Variants in HSPG2 observed in about 807,000 individuals in gnomAD.
HSPG2 encodes basement membrane-specific heparan sulfate proteoglycan core protein.
In HSPG2, 278 loss-of-function variants were observed where a neutral mutation model predicts 526.6. That is an observed-to-expected ratio of 0.53 (90% CI 0.48 to 0.58). The LOEUF is 0.58. Among genes scored for constraint, HSPG2 ranks in the 20% least tolerant of loss-of-function variants. The probability of loss-of-function intolerance (pLI) is 0.00; values close to 1 mark genes in which losing one functional copy is unlikely to be tolerated. For missense variants in HSPG2, 5,354 were observed against 6,099.5 expected (o/e 0.88, Z 4.07); for synonymous variants, 2,465 against 2,555.4 (o/e 0.96, Z 1.07).
At chr1:21,894,301 A>G (rs1397814560) in intron 3 of HSPG2, among the ~76,000 whole-genome samples, 1 of 151,974 alleles carries the variant, frequency 6.6e-6, no homozygotes, top group African/African-American at 2.4e-5. Context: ...GCCAGAGGCT[A>G]GGCATGGCCC....
In HSPG2 at chr1:21,827,919, C is replaced by A; in HGVS notation, c.12533G>T (p.Gly4178Val). Reference protein sequence around the residue: ...PGFSGPRCQQGSGHGIAESDW... With the variant: ...PGFSGPRCQQVSGHGIAESDW... ...GGACTCTGCTATGCCATGTCCAGAG[C>A]CTATGGAGAAGGGCAGGGTCCAGTT... Residue 4178 changes from glycine to valine, a missense_variant and splice_region_variant, in exon 91 of 97, where the codon GGC (glycine) becomes GTC (valine). Gly to Val is a moderately radical substitution (Grantham distance 109). Coordinates refer to ENST00000374695, the MANE Select transcript of HSPG2 (RefSeq NM_005529.7). The A allele has an allele frequency of 6.2e-7, 1 of 1,603,210 alleles. No homozygotes were observed. Among genetic ancestry groups the A allele is most frequent in the Non-Finnish European group, 8.5e-7 (1 of 1,175,348 alleles).
At chr1:21,860,806 GA>G (rs1041899781) in intron 39 of HSPG2, among the ~76,000 whole-genome samples, 1 of 152,200 alleles carries the variant, frequency 6.6e-6, no homozygotes, top group Non-Finnish European at 1.5e-5. Context: ...ATTAAGCAAT[GA>G]CTGAATGCCA....
At chr1:21,833,214 A>C in intron 80 of HSPG2, 54 bp downstream of exon 80, 1 of 1,411,226 alleles carries the variant, frequency 7.1e-7, no homozygotes. Context: ...CAGTTACTCC[A>C]CGAGGTCCCT....
Position 21,872,859 on chromosome 1 carries a change from C to A in HSPG2, c.3889-99G>T. The A allele has an allele frequency of 1.3e-6, 2 of 1,547,418 alleles. No homozygotes were observed. The highest frequency in any genetic ancestry group is 2.3e-5 in the East Asian group (1 of 43,404). On this transcript the variant is annotated intron_variant, in intron 31 of 96. Transcript: ENST00000374695. This position sits in a 1 kb window ranked among gnomAD's most constrained non-coding sequence, Gnocchi z 5.5. ...CCTCCCTGGCCACTTCCAGCAGCCC[C>A]GGGCAGCCCCTGCCCTGTCCCCCAT...
Position 21,890,467 on chromosome 1 carries a change from T to G in HSPG2, c.373A>C (p.Lys125Gln). ...CTGACAACCTGGTCTCCGGGAATTT[T>G]CAAGTACTCCGACTCCAGCTGGGGA... ...VVDTLESEYLKIPGDQVVSVV... is the reference protein window; with the variant it reads ...VVDTLESEYLQIPGDQVVSVV... Residue 125 changes from lysine to glutamine, a missense_variant, in exon 5 of 97, where the codon AAA (lysine) becomes CAA (glutamine). By Grantham distance (53) the Lys-to-Gln change is moderately conservative. Coordinates refer to ENST00000374695, the MANE Select transcript of HSPG2 (RefSeq NM_005529.7). The surrounding 1 kb of genome is among the most constrained non-coding windows in gnomAD (Gnocchi z 4.1). The G allele has an allele frequency of 6.2e-7, 1 of 1,613,974 alleles. No individual in the cohort carries two copies. The highest frequency in any genetic ancestry group is 8.5e-7 in the Non-Finnish European group (1 of 1,179,992).
intron 1 of HSPG2, chr1:21,908,212 A>G (rs2152784967): frequency 2.3e-6 from 2 of 884,092 alleles, no homozygotes; most frequent in East Asian, 4.8e-5. Flanking sequence ...GAAAGGTGAT[A>G]TTGTAGACAT....
intron 1 of HSPG2, chr1:21,908,681 C>A: frequency 2.0e-5 from 9 of 461,000 alleles, no homozygotes; most frequent in Non-Finnish European, 3.1e-5. Flanking sequence ...GGTCTCACTG[C>A]TTAATGAGTT....
In HSPG2 at chr1:21,898,109, C is replaced by G. The variant is rs1353023419; in HGVS notation, c.64-1799G>C. On this transcript the variant is annotated intron_variant, in intron 1 of 96. Transcript: ENST00000374695. This position sits in a 1 kb window ranked among gnomAD's most constrained non-coding sequence, Gnocchi z 4.0. ...AACGGACAAAAACGGAATTCATCACCTATGAATTCCAGTCACTCTGTGAAG... is the reference window on the plus strand; with the variant it reads ...AACGGACAAAAACGGAATTCATCACGTATGAATTCCAGTCACTCTGTGAAG... 6.6e-6 allele frequency among the ~76,000 whole-genome samples: 1 copy of G among 152,178 alleles called. No individual in the cohort carries two copies. Among genetic ancestry groups the G allele is most frequent in the African/African-American group, 2.4e-5 (1 of 41,428 alleles).
Position 21,887,624 on chromosome 1 carries a change from T to C in HSPG2, c.754A>G (p.Thr252Ala), listed in dbSNP as rs780866370. The C allele has an allele frequency of 1.2e-6, 2 of 1,613,940 alleles. No individual in the cohort carries two copies. Among genetic ancestry groups the C allele is most frequent in the South Asian group, 2.2e-5 (2 of 91,078 alleles). ...GTCTCTGGCCGGGGCGGTAAAGATGTCGTCTCCACAAGGAGAGAGAATGTG... is the reference window on the plus strand; with the variant it reads ...GTCTCTGGCCGGGGCGGTAAAGATGCCGTCTCCACAAGGAGAGAGAATGTG... ...SPTFSLLVET[T>A]SLPPRPETTI... is the part of the protein sequence containing the mutation. The change falls in exon 8 of 97, where the codon ACA becomes GCA. Residue 252 changes from threonine to alanine, a missense_variant. Transcript: ENST00000374695. This position sits in a 1 kb window ranked among gnomAD's most constrained non-coding sequence, Gnocchi z 5.0.
Position 21,828,705 on chromosome 1 carries a change from A to C in HSPG2, c.12237+130T>G. 1 of 1,315,514 alleles carries C rather than the reference A, an allele frequency of 7.6e-7. No homozygotes were observed. The highest frequency in any genetic ancestry group is 1.1e-6 in the Non-Finnish European group (1 of 944,134). 81.5% of individuals were successfully genotyped at this position (1,315,514 alleles called of 1,614,324 possible). ...GGAGGAAACTGAGGCTCAGAGGTAC[A>C]GTGTCCTGGCCCAGGGCCCGTGGGT... is the stretch of plus-strand genomic sequence containing the variant. On this transcript the variant is annotated intron_variant, in intron 88 of 96. Transcript: ENST00000374695. This position sits in a 1 kb window ranked among gnomAD's most constrained non-coding sequence, Gnocchi z 6.0.
chr1:21,836,933 T>C lies in HSPG2; in HGVS notation c.10224A>G (p.Leu3408=), dbSNP rs1356764875. 1.3e-6 allele frequency: 2 copies of C among 1,557,476 alleles called. No individual in the cohort carries two copies. Among genetic ancestry groups the C allele is most frequent in the Admixed American group, 3.9e-5 (2 of 51,732 alleles). ...STPTVQVTPQ[L]ETKSIGASVE... The stretch of plus-strand genomic sequence containing the variant: ...CGCTGGCCCCAATGCTCTTGGTCTC[T>C]AGCTGAGGCGTGACCTGCACGGTGG... The change falls in exon 75 of 97, where the codon CTA becomes CTG. Residue 3408 remains leucine, a synonymous_variant. Transcript: ENST00000374695.
Position 21,876,281 on chromosome 1 carries a change from A to C in HSPG2, c.2951T>G (p.Leu984Arg), listed in dbSNP as rs776853465. 6.2e-7 allele frequency: 1 copy of C among 1,613,766 alleles called. No individual in the cohort carries two copies. The highest frequency in any genetic ancestry group is 1.3e-5 in the African/African-American group (1 of 74,868). The change falls in exon 23 of 97, where the codon CTC becomes CGC. Residue 984 changes from leucine (L) to arginine (R), a missense_variant. Physicochemically the swap from Leu to Arg is moderately radical, Grantham distance 102. Transcript: ENST00000374695. ...GELGFSSFHRLLSGPYFWSLP... is the reference protein window; with the variant it reads ...GELGFSSFHRRLSGPYFWSLP... The stretch of plus-strand genomic sequence containing the variant: ...GCTCCAGAAGTAGGGTCCAGATAAG[A>C]GTCTGTGGAAGGAGGAGAATCCCAG...
chr1:21,899,526 T>C (rs555299557), intron 1 of HSPG2, among the ~76,000 whole-genome samples: 9 of 152,074 alleles, frequency 5.9e-5, no homozygotes, highest in Non-Finnish European at 1.2e-4. Context: ...AACTGGCATG[T>C]GGCAGGGCTG....
chr1:21,834,773 G>C lies in HSPG2; in HGVS notation c.10626C>G (p.Ile3542Met), dbSNP rs140973670. The C allele has an allele frequency of 6.2e-7, 1 of 1,614,032 alleles. No individual in the cohort carries two copies. The highest frequency in any genetic ancestry group is 1.3e-5 in the African/African-American group (1 of 74,936). ...CCGCATCAGCCAGCTCTACGTGGGC[G>C]ATCCTGACGACACCTCCGCTCTGCA... ...GIVQSGGVVR[I>M]AHVELADAGQ... Residue 3542 changes from isoleucine (I) to methionine (M), a missense_variant, in exon 77 of 97, where the codon ATC becomes ATG. Ile to Met is a conservative substitution (Grantham distance 10, BLOSUM62 1). Transcript: ENST00000374695.
chr1:21,893,068 T>C lies in HSPG2; in HGVS notation c.245-2374A>G, dbSNP rs1470154564. ...AGCTGCCCTGCACTCAGGGTAGAAG[T>C]GGGGGCTGCACACCTGACTAGCCCT... On this transcript the variant is annotated intron_variant, in intron 3 of 96. Transcript: ENST00000374695. This position sits in a 1 kb window ranked among gnomAD's most constrained non-coding sequence, Gnocchi z 4.3. Among the ~76,000 whole-genome samples the C allele has an allele frequency of 6.6e-6, 1 of 151,864 alleles. No individual in the cohort carries two copies. Among genetic ancestry groups the C allele is most frequent in the African/African-American group, 2.4e-5 (1 of 41,338 alleles).
Position 21,833,353 on chromosome 1 carries a change from G to A in HSPG2, c.11010C>T (p.Pro3670=), listed in dbSNP as rs2098012837. The change falls in exon 80 of 97, where the codon CCC becomes CCT. Residue 3670 remains proline (P), a synonymous_variant. Transcript: ENST00000374695. ...TGGTGGGCAGCGGTAGGAAGGAGTA[G>A]GGGGTCTGCGTGAAGTAGGGCACCA... The part of the protein sequence containing the change: ...ERVVPYFTQT[P]YSFLPLPTIK... The A allele has an allele frequency of 6.2e-7, 1 of 1,614,114 alleles. No homozygotes were observed. The highest frequency in any genetic ancestry group is 1.1e-5 in the South Asian group (1 of 91,078).
chr1:21,884,469 C>T, intron 13 of HSPG2, 59 bp downstream of exon 13: 7 of 1,594,462 alleles, frequency 4.4e-6, no homozygotes, highest in Non-Finnish European at 6.0e-6. Flanking sequence ...TCTGTGCCCC[C>T]TGGGTACAGA....
chr1:21,888,937 T>C (rs1336355574), intron 6 of HSPG2, among the ~76,000 whole-genome samples: 1 of 152,188 alleles, frequency 6.6e-6, no homozygotes, highest in Non-Finnish European at 1.5e-5. Flanking sequence ...TTGTTTGTCT[T>C]GTTTTAGAGG....
rs1261341627 is a variant in HSPG2, at chr1:21,864,166, G to A, written c.4674C>T (p.Gly1558=). 2 of 1,555,748 alleles carry A rather than the reference G, an allele frequency of 1.3e-6. No individual in the cohort carries two copies. The highest frequency in any genetic ancestry group is 8.7e-7 in the Non-Finnish European group (1 of 1,149,624). ...CATTGCATTCACATAGCTCGCAGTG[G>A]CCGAGGTAGAGCCCACTCCCGGTGC... is the stretch of plus-strand genomic sequence containing the variant. ...YTRTGSGLYL[G]HCELCECNGH... Residue 1558 remains glycine, a synonymous_variant, in exon 37 of 97, where the codon GGC becomes GGT. Coordinates refer to ENST00000374695, the MANE Select transcript of HSPG2 (RefSeq NM_005529.7). This position sits in a 1 kb window ranked among gnomAD's most constrained non-coding sequence, Gnocchi z 4.8.
Sources: gnomAD v4.1 joint callset for allele counts (sites outside exome capture counted in the v4.1 genomes callset) on GRCh38, gnomAD v4.1.1 for gene constraint, Gnocchi (gnomAD v3.1) non-coding constraint, MANE v1.5 for transcripts, NCBI Gene and HGNC (gene_info 2026-07-23, HGNC 2026-07-21) for gene names.